The following MRE11 variants were observed in gnomAD, a reference collection of about 807,000 sequenced individuals.
MRE11 encodes the protein MRE11 double strand break repair nuclease.
MRE11 carries 62 observed loss-of-function variants against 91.7 expected under a neutral mutation model. The observed-to-expected ratio is 0.68, with a 90% CI of 0.55 to 0.84. The LOEUF is 0.84. MRE11 is among the 40% of genes least tolerant of loss of function. The pLI, the probability that MRE11 is intolerant of heterozygous loss-of-function variation, is 0.00. For synonymous variants in MRE11, 273 were observed against 271.4 expected, an observed-to-expected ratio of 1.01 and a Z score of -0.06; for missense variants, 796 against 852.9, an observed-to-expected ratio of 0.93 and a Z score of 0.83.
intron 18 of MRE11, 104 bp downstream of exon 18, chr11:94,435,726 TAA>T: frequency 1.1e-6 from 1 of 921,678 alleles, no homozygotes; most frequent in Non-Finnish European, 1.8e-6. Context: ...TAGTTGAAAA[TAA>T]GTCTGTTAAA....
At chr11:94,453,786 T>C (rs1418297504) in intron 14 of MRE11, among the ~76,000 whole-genome samples, 1 of 152,184 alleles carries the variant, frequency 6.6e-6, no homozygotes, top group South Asian at 2.1e-4. Flanking sequence ...TCACTATTGA[T>C]AGTGCCTGGT....
chr11:94,429,418 C>T (rs530123217), intron 19 of MRE11, among the ~76,000 whole-genome samples: 3 of 152,288 alleles, frequency 2.0e-5, no homozygotes, highest in Non-Finnish European at 4.4e-5. Flanking sequence ...GTAGCAAAGA[C>T]ATGGAATCAA....
In MRE11 at chr11:94,437,173, T is replaced by C. The variant is rs876660210; in HGVS notation, c.1926+4A>G. Reference sequence around the variant, plus strand: ...ATACACAACCATAAAACTTTTTTTCTTACCTCTGAATAATTCTTAGTAGTG... The same window carrying C: ...ATACACAACCATAAAACTTTTTTTCCTACCTCTGAATAATTCTTAGTAGTG... On this transcript the variant is annotated splice_donor_region_variant and intron_variant, in intron 17 of 19. Coordinates refer to ENST00000323929, the MANE Select transcript of MRE11 (RefSeq NM_005591.4). The C allele has an allele frequency of 1.2e-6, 2 of 1,610,804 alleles. No individual in the cohort carries two copies. Among genetic ancestry groups the C allele is most frequent in the Non-Finnish European group, 1.7e-6 (2 of 1,178,028 alleles).
intron 18 of MRE11, among the ~76,000 whole-genome samples, chr11:94,431,387 A>G (rs1945459110): frequency 6.6e-6 from 1 of 152,258 alleles, no homozygotes; most frequent in South Asian, 2.1e-4. Flanking sequence ...TTACTAAAAC[A>G]TTCTGCAAAA....
chr11:94,478,817 T>C lies in MRE11; in HGVS notation c.462A>G (p.Gly154=), dbSNP rs786201311. 2 of 1,613,886 alleles carry C rather than the reference T, an allele frequency of 1.2e-6. No individual in the cohort carries two copies. The highest frequency in any genetic ancestry group is 1.7e-4 in the Middle Eastern group (1 of 6,034). The change falls in exon 6 of 20, where the codon GGA becomes GGG. Residue 154 remains glycine, a synonymous_variant. Transcript: ENST00000323929. ...CTATCTTCTCCACAGACATTGAACG[T>C]CCAAAGTGATTTACAAATCCAGCAC... is the stretch of plus-strand genomic sequence containing the variant. The part of the protein sequence containing the change: ...LSCAGFVNHF[G]RSMSVEKIDI...
At chr11:94,438,122 C>T (rs924250601) in intron 16 of MRE11, among the ~76,000 whole-genome samples, 10 of 151,678 alleles carry the variant, frequency 6.6e-5, no homozygotes, top group Admixed American at 2.0e-4. Flanking sequence ...AGCGAAACTC[C>T]GTCTCAAAAA....
intron 19 of MRE11, among the ~76,000 whole-genome samples, chr11:94,422,467 T>G (rs548319992): frequency 3.7e-4 from 56 of 152,256 alleles, no homozygotes; most frequent in African/African-American, 1.2e-3. Flanking sequence ...AAATATTCAT[T>G]AAAGTAATAT....
At chr11:94,490,995 A>G in intron 2 of MRE11, 30 bp from the exon 3 acceptor site, 3 of 1,206,470 alleles carry the variant, frequency 2.5e-6, no homozygotes, top group Non-Finnish European at 3.6e-6. Flanking sequence ...ACATTTCAAT[A>G]TATTAATAAT....
At chr11:94,463,751 G>A (rs1946483441) in intron 11 of MRE11, among the ~76,000 whole-genome samples, 1 of 148,690 alleles carries the variant, frequency 6.7e-6, no homozygotes, top group Non-Finnish European at 1.5e-5. Context: ...TGGACACAGG[G>A]CAGGGAACAT....
intron 3 of MRE11, among the ~76,000 whole-genome samples, chr11:94,487,538 G>C (rs752027914): frequency 1.3e-4 from 20 of 152,166 alleles, no homozygotes; most frequent in Non-Finnish European, 2.5e-4. Context: ...GAGACAAAGA[G>C]ACATGGCAAC....
intron 3 of MRE11, among the ~76,000 whole-genome samples, chr11:94,490,508 T>C (rs1352354575): frequency 6.6e-6 from 1 of 152,238 alleles, no homozygotes; most frequent in Non-Finnish European, 1.5e-5. Flanking sequence ...TATTTGTCTT[T>C]CACACCAGTT....
At chr11:94,456,902 G>C (rs1363190592) in intron 13 of MRE11, among the ~76,000 whole-genome samples, 2 of 152,118 alleles carry the variant, frequency 1.3e-5, no homozygotes, top group Non-Finnish European at 2.9e-5. Flanking sequence ...ATACAGCTAT[G>C]TATATGTTCT....
chr11:94,505,848 C>G, the MRE11 span, among the ~76,000 whole-genome samples: 1 of 152,170 alleles, frequency 6.6e-6, no homozygotes, highest in Non-Finnish European at 1.5e-5. Flanking sequence ...CATATTTTTA[C>G]CGTACCGTCT....
rs1945050288 is a variant in MRE11, at chr11:94,417,180, G to A, written c.*2945C>T. The A allele has an allele frequency of 5.9e-6, 1 of 170,896 alleles. No individual in the cohort carries two copies. The highest frequency in any genetic ancestry group is 2.4e-5 in the African/African-American group (1 of 42,062). 10.6% of individuals were successfully genotyped at this position (170,896 alleles called of 1,614,324 possible). ...TTTAGTAGAGACGAGGTTTCACCAT[G>A]TTGGCCAGGCTGGTCTCAAACTCCT... is the stretch of plus-strand genomic sequence containing the variant. On this transcript the variant is annotated 3_prime_UTR_variant, in exon 20 of 20. Transcript: ENST00000323929.
the MRE11 span, among the ~76,000 whole-genome samples, chr11:94,512,229 G>C: frequency 6.6e-6 from 1 of 152,192 alleles, no homozygotes; most frequent in African/African-American, 2.4e-5. Context: ...CGCTTTTTCT[G>C]AATCTCGGAT....
At chr11:94,430,712 G>A (rs1219376718) in intron 18 of MRE11, among the ~76,000 whole-genome samples, 4 of 151,874 alleles carry the variant, frequency 2.6e-5, no homozygotes, top group East Asian at 1.9e-4. Flanking sequence ...CTCGTGATCC[G>A]CCCACCTCGG....
chr11:94,445,434 C>T (rs1945898838), intron 16 of MRE11, among the ~76,000 whole-genome samples: 1 of 152,192 alleles, frequency 6.6e-6, no homozygotes, highest in South Asian at 2.1e-4. Context: ...CTCAGCCTCC[C>T]AAGTAGCTGG....
chr11:94,503,440 A>G, the MRE11 span, among the ~76,000 whole-genome samples: 1 of 152,204 alleles, frequency 6.6e-6, no homozygotes, highest in Non-Finnish European at 1.5e-5. Context: ...CACACCATCC[A>G]ACATTTTGGG....
chr11:94,455,854 A>C (rs1946235643), intron 14 of MRE11, among the ~76,000 whole-genome samples: 1 of 152,160 alleles, frequency 6.6e-6, no homozygotes, highest in South Asian at 2.1e-4. Flanking sequence ...CTTTTGTTGT[A>C]TATATCCCCA....
Sources: allele counts gnomAD v4.1 joint callset (sites outside exome capture counted in the v4.1 genomes callset), GRCh38; gene constraint gnomAD v4.1.1; transcripts MANE v1.5; gene names NCBI Gene and HGNC (gene_info 2026-07-23, HGNC 2026-07-21).